PDZD2: variants seen among roughly 807,000 people sequenced by gnomAD.
The protein encoded by PDZD2 is PDZ domain containing 2, also known as PDZ domain-containing protein 2.
In PDZD2, 90 loss-of-function variants were observed where a neutral mutation model predicts 220.7. The ratio of observed to expected loss-of-function variants is 0.41; its 90% CI spans 0.34 to 0.49. PDZD2 has a LOEUF of 0.49. PDZD2 is among the 20% of genes least tolerant of loss of function. The pLI, the probability that PDZD2 is intolerant of heterozygous loss-of-function variation, is 0.28. For missense variants in PDZD2, 3,174 were observed against 3,608.5 expected, an observed-to-expected ratio of 0.88 and a Z score of 3.08; for synonymous variants, 1,375 against 1,450.5, an observed-to-expected ratio of 0.95 and a Z score of 1.18.
At chr5:31,716,610 C>G (rs1748460491) in intron 1 of PDZD2, among the ~76,000 whole-genome samples, 1 of 152,170 alleles carries the variant, frequency 6.6e-6, no homozygotes, top group Admixed American at 6.5e-5. Flanking sequence ...CGAGACTAGC[C>G]TGGCCAACAT....
chr5:31,992,772 G>GA (rs1441614160), intron 3 of PDZD2, among the ~76,000 whole-genome samples: 3 of 149,216 alleles, frequency 2.0e-5, no homozygotes, highest in African/African-American at 7.4e-5. Flanking sequence ...GGGGGAGGAA[G>GA]AAACACTCAT....
intron 2 of PDZD2, among the ~76,000 whole-genome samples, chr5:31,950,761 G>C (rs1747108658): frequency 6.6e-6 from 1 of 152,108 alleles, no homozygotes; most frequent in South Asian, 2.1e-4. Flanking sequence ...ATCCCCCATA[G>C]TCATCTTTTT....
chr5:31,855,059 G>GGGCGCGGAGACC, intron 2 of PDZD2: 2 of 985,308 alleles, frequency 2.0e-6, no homozygotes, highest in Non-Finnish European at 2.4e-6. Context: ...GCTGCCCCGG[G>GGGCGCGGAGACC]GGCGCGGAGA....
At chr5:31,773,606 T>G (rs908187782) in intron 1 of PDZD2, among the ~76,000 whole-genome samples, 8 of 152,120 alleles carry the variant, frequency 5.3e-5, no homozygotes, top group African/African-American at 1.9e-4. Flanking sequence ...ACCAAGGCCA[T>G]GCCACAGCGC....
In PDZD2 at chr5:32,089,001, T is replaced by C; in HGVS notation, c.5553T>C (p.Pro1851=). ...QKKGVTVPHS[P]PQPKTNLENK... is the part of the protein sequence containing the mutation. ...AGGGCGTTACTGTGCCTCATAGCCC[T>C]CCTCAGCCGAAAACAAACCTGGAAA... is the stretch of plus-strand genomic sequence containing the variant. The change falls in exon 20 of 25, where the codon CCT becomes CCC. Residue 1851 remains proline (P), a synonymous_variant. Transcript: ENST00000438447. 6.2e-7 allele frequency: 1 copy of C among 1,613,916 alleles called. No homozygotes were observed. Among genetic ancestry groups the C allele is most frequent in the Non-Finnish European group, 8.5e-7 (1 of 1,179,986 alleles).
chr5:32,038,872 AGAG>A (rs1227479363), intron 7 of PDZD2, among the ~76,000 whole-genome samples: 1 of 152,206 alleles, frequency 6.6e-6, no homozygotes, highest in African/African-American at 2.4e-5. Context: ...ACCTGAAAAA[AGAG>A]GAGAACACCC....
intron 2 of PDZD2, among the ~76,000 whole-genome samples, chr5:31,947,377 C>T (rs1158302673): frequency 6.6e-6 from 1 of 152,178 alleles, no homozygotes; most frequent in African/African-American, 2.4e-5. Flanking sequence ...ACTTGAGTGA[C>T]GTCAACCATC....
At chr5:31,976,039 T>G (rs1162473220) in intron 2 of PDZD2, among the ~76,000 whole-genome samples, 1 of 151,948 alleles carries the variant, frequency 6.6e-6, no homozygotes, top group Non-Finnish European at 1.5e-5. Context: ...TAGACAGTAT[T>G]CAGCCAAAAA....
chr5:31,757,008 G>T (rs756180490), intron 1 of PDZD2, among the ~76,000 whole-genome samples: 2 of 152,252 alleles, frequency 1.3e-5, no homozygotes, highest in Non-Finnish European at 2.9e-5. Context: ...ATGTGGCTGG[G>T]TCGGGCGGTT....
chr5:32,000,416 A>ATAGCGTTGCCCTGT lies in PDZD2; in HGVS notation c.1254+145_1254+146insTAGCGTTGCCCTGT. 1.2e-6 allele frequency: 1 copy of ATAGCGTTGCCCTGT among 808,896 alleles called. No individual in the cohort carries two copies. The highest frequency in any genetic ancestry group is 2.1e-6 in the Non-Finnish European group (1 of 474,932). The allele number at this position is 808,896 out of a possible 1,614,324, so 50.1% of individuals were successfully genotyped here. A position where few individuals can be genotyped will look rare whatever the true frequency, so the allele number is the denominator to read the frequency against. On this transcript the variant is annotated intron_variant, in intron 5 of 24. Transcript: ENST00000438447. This position sits in a 1 kb window ranked among gnomAD's most constrained non-coding sequence, Gnocchi z 4.5. Reference sequence around the variant, plus strand: ...GCTATTGAAACAGCCTTGCTTCCACAGGGCAACGCTATATGGAGACCCTTA... The same window carrying ATAGCGTTGCCCTGT: ...GCTATTGAAACAGCCTTGCTTCCACATAGCGTTGCCCTGTGGGCAACGCTATATGGAGACCCTTA...
At chr5:32,101,013 T>C (rs1744209536) in intron 23 of PDZD2, 92 bp from the exon 24 acceptor site, 3 of 1,593,294 alleles carry the variant, frequency 1.9e-6, no homozygotes, top group African/African-American at 2.7e-5. Context: ...CAGAAGTACA[T>C]GGGGCTGGAG....
intron 10 of PDZD2, among the ~76,000 whole-genome samples, chr5:32,055,533 T>A (rs1042927546): frequency 2.2e-4 from 15 of 68,496 alleles, no homozygotes; most frequent in South Asian, 1.3e-3. Context: ...AGAGCATGAA[T>A]CCCGATTTTT....
intron 2 of PDZD2, among the ~76,000 whole-genome samples, chr5:31,819,051 G>T (rs1305140422): frequency 6.6e-6 from 1 of 152,160 alleles, no homozygotes; most frequent in African/African-American, 2.4e-5. Flanking sequence ...CCATTCTTTT[G>T]TCACTACAAC....
rs1453390653 is a variant in PDZD2 at position 32,087,858 on chromosome 5, C to T, written c.4410C>T (p.Cys1470=). The change falls in exon 20 of 25, where the codon TGC becomes TGT. Residue 1470 remains cysteine (C), a synonymous_variant. Transcript: ENST00000438447. This position sits in a 1 kb window ranked among gnomAD's most constrained non-coding sequence, Gnocchi z 4.0. ...PPAGAGGGSS[C]RAEPVPGGQT... is the part of the protein sequence containing the mutation. ...CCGGGGCTGGAGGTGGGAGCTCCTG[C>T]CGTGCCGAACCAGTCCCGGGGGGCC... 3 of 1,611,268 alleles carry T rather than the reference C, an allele frequency of 1.9e-6. No individual in the cohort carries two copies. Among genetic ancestry groups the T allele is most frequent in the Non-Finnish European group, 2.5e-6 (3 of 1,178,888 alleles).
In PDZD2 at chr5:32,071,437, C is replaced by A. The variant is rs752625512; in HGVS notation, c.2568+19C>A. The A allele has an allele frequency of 1.4e-5, 22 of 1,591,598 alleles. No individual in the cohort carries two copies. Among genetic ancestry groups the A allele is most frequent in the Non-Finnish European group, 1.7e-5 (20 of 1,159,570 alleles). ...AAAAAAGGTGAGTCAAGGTGAACTG[C>A]TACCTGCCTCCCTCAGCTGGACCAC... On this transcript the variant is annotated intron_variant, in intron 16 of 24. Coordinates refer to ENST00000438447, the MANE Select transcript of PDZD2 (RefSeq NM_178140.4).
chr5:32,014,721 T>C (rs1359428505), intron 6 of PDZD2, among the ~76,000 whole-genome samples: 4 of 137,946 alleles, frequency 2.9e-5, no homozygotes, highest in South Asian at 2.4e-4. Context: ...TTTTTTTTTT[T>C]TTTTTTTTTT....
At chr5:32,033,496 G>A (rs1044372625) in intron 6 of PDZD2, among the ~76,000 whole-genome samples, 1 of 152,116 alleles carries the variant, frequency 6.6e-6, no homozygotes, top group Non-Finnish European at 1.5e-5. Context: ...AGTGGGTTCT[G>A]AAATAAGATG....
At chr5:31,669,401 CAAAA>C (rs34910299) in intron 1 of PDZD2, among the ~76,000 whole-genome samples, 46 of 109,602 alleles carry the variant, frequency 4.2e-4, no homozygotes, top group Admixed American at 7.8e-4. Flanking sequence ...GACCCTGTCT[CAAAA>C]AAAAAAAAAA....
At chr5:31,695,691 C>T (rs760911736) in intron 1 of PDZD2, among the ~76,000 whole-genome samples, 2 of 152,172 alleles carry the variant, frequency 1.3e-5, no homozygotes, top group African/African-American at 2.4e-5. Context: ...GGCGTCCTTC[C>T]GCTGCACCAT....
Sources: allele counts gnomAD v4.1 joint callset (sites outside exome capture counted in the v4.1 genomes callset), GRCh38; gene constraint gnomAD v4.1.1; non-coding constraint Gnocchi (gnomAD v3.1); transcripts MANE v1.5; gene names NCBI Gene and HGNC (gene_info 2026-07-23, HGNC 2026-07-21).